Variants in SP140 observed in about 807,000 individuals in gnomAD.
SP140 encodes the protein SP140 nuclear body protein, also known as nuclear body protein SP140.
In SP140, 81 loss-of-function variants were observed where a neutral mutation model predicts 125.0. The ratio of observed to expected loss-of-function variants is 0.65; its 90% CI spans 0.54 to 0.78. The LOEUF (loss-of-function observed/expected upper bound fraction) is 0.78, where lower values mean the gene tolerates loss of function less well. Among genes scored for constraint, SP140 ranks in the 30% least tolerant of loss-of-function variants. SP140 has a pLI of 0.00. For missense variants in SP140, 858 were observed against 1,037.0 expected, an observed-to-expected ratio of 0.83 and a Z score of 2.37; for synonymous variants, 312 against 354.0, an observed-to-expected ratio of 0.88 and a Z score of 1.33.
intron 15 of SP140, among the ~76,000 whole-genome samples, chr2:230,271,384 C>A (rs1004019241): frequency 6.6e-6 from 1 of 152,118 alleles, no homozygotes; most frequent in Non-Finnish European, 1.5e-5. Context: ...ATGCTAAAGA[C>A]TGTGCTAGTG....
In SP140 at chr2:230,269,833, C is replaced by G; in HGVS notation, c.1328-4C>G. The G allele has an allele frequency of 6.2e-7, 1 of 1,610,634 alleles. No homozygotes were observed. Among genetic ancestry groups the G allele is most frequent in the South Asian group, 1.1e-5 (1 of 90,932 alleles). ...AGTCTTCATGAATCACAATTTTGGC[C>G]CAGGAGCGGAGCAATCAGCATATGA... On this transcript the variant is annotated splice_region_variant and splice_polypyrimidine_tract_variant and intron_variant, in intron 13 of 26. Coordinates refer to ENST00000392045, the MANE Select transcript of SP140 (RefSeq NM_007237.5).
intron 15 of SP140, among the ~76,000 whole-genome samples, chr2:230,282,509 A>G (rs1227380962): frequency 6.6e-6 from 1 of 152,038 alleles, no homozygotes; most frequent in Non-Finnish European, 1.5e-5. Context: ...ACATTTAACA[A>G]ATCTTGACCC....
chr2:230,273,427 T>G (rs780617199), intron 15 of SP140, among the ~76,000 whole-genome samples: 20 of 152,168 alleles, frequency 1.3e-4, no homozygotes, highest in Non-Finnish European at 2.4e-4. Flanking sequence ...TGACTATTAT[T>G]AAAAGGTCTA....
rs967211514 is a variant in SP140, at chr2:230,240,579, A to C, written c.407-825A>C. 3.3e-5 allele frequency among the ~76,000 whole-genome samples: 5 copies of C among 152,240 alleles called. No individual in the cohort carries two copies. In the East Asian group the frequency reaches 5.8e-4, roughly 18 times the overall value. On this transcript the variant is annotated intron_variant, in intron 3 of 26. Coordinates refer to ENST00000392045, the MANE Select transcript of SP140 (RefSeq NM_007237.5). ...TATAAAGTGTATGACATTATTAATC[A>C]TGAGGGAAATGCAAATTAAAGTTAT...
downstream of SP140, among the ~76,000 whole-genome samples, chr2:230,315,303 G>A (rs184086482): frequency 1.2e-4 from 19 of 152,274 alleles, no homozygotes; most frequent in Non-Finnish European, 2.4e-4. Flanking sequence ...AAGTTTTCAC[G>A]GGAGGGCTCT....
chr2:230,196,718 G>T, the SP140 span, among the ~76,000 whole-genome samples: 1 of 142,444 alleles, frequency 7.0e-6, no homozygotes, highest in African/African-American at 2.6e-5. Flanking sequence ...ACAGTCCCCA[G>T]AGTGTGATGT....
upstream of SP140, among the ~76,000 whole-genome samples, chr2:230,201,694 T>C (rs894548376): frequency 3.3e-5 from 5 of 152,226 alleles, no homozygotes; most frequent in Non-Finnish European, 7.3e-5. Context: ...AGATACAAGC[T>C]CACTGTATAA....
intron 22 of SP140, among the ~76,000 whole-genome samples, chr2:230,302,421 TA>T (rs948672999): frequency 6.6e-6 from 1 of 151,956 alleles, no homozygotes; most frequent in Non-Finnish European, 1.5e-5. Context: ...CAATTTCTAC[TA>T]GACCTAAGAA....
chr2:230,298,683 A>G (rs2058000043), intron 22 of SP140, among the ~76,000 whole-genome samples: 1 of 152,210 alleles, frequency 6.6e-6, no homozygotes, highest in Non-Finnish European at 1.5e-5. Flanking sequence ...GTCCATAACC[A>G]GACTTTGCTT....
chr2:230,191,698 G>C, the SP140 span, among the ~76,000 whole-genome samples: 36 of 152,176 alleles, frequency 2.4e-4, no homozygotes, highest in Non-Finnish European at 2.2e-4. Flanking sequence ...GATTCTACCA[G>C]AAATACAAAG....
Position 230,298,784 on chromosome 2 carries a change from T to C in SP140, c.2058+1322T>C, listed in dbSNP as rs1396962152. 2.6e-5 allele frequency among the ~76,000 whole-genome samples: 4 copies of C among 152,356 alleles called. No homozygotes were observed. In the East Asian group the frequency reaches 7.7e-4, roughly 29 times the overall value. ...CTGGATCCCACTTCTGGGGAAATTA[T>C]AATTTAATCATTCTGGACTATGTAT... On this transcript the variant is annotated intron_variant, in intron 22 of 26. Transcript: ENST00000392045.
upstream of SP140, chr2:230,200,688 A>G: frequency 1.6e-6 from 1 of 617,576 alleles, no homozygotes; most frequent in Non-Finnish European, 2.9e-6. Flanking sequence ...ATATGGACAC[A>G]TTACATAAAA....
intron 3 of SP140, chr2:230,214,222 AC>A (rs1272912360): frequency 6.6e-6 from 1 of 151,842 alleles, no homozygotes; most frequent in African/African-American, 2.4e-5. Context: ...TTCTTTCTCT[AC>A]GTACTTCATG....
At chr2:230,285,257 C>G (rs190471933) in intron 16 of SP140, among the ~76,000 whole-genome samples, 1 of 152,118 alleles carries the variant, frequency 6.6e-6, no homozygotes, top group South Asian at 2.1e-4. Flanking sequence ...TTCTTCTAGA[C>G]GATGAAGGCT....
At chr2:230,247,870 T>C in intron 7 of SP140, 46 bp from the exon 8 acceptor site, 1 of 1,586,480 alleles carries the variant, frequency 6.3e-7, no homozygotes, top group Non-Finnish European at 8.6e-7. Flanking sequence ...AGTGAAATTA[T>C]ATGGAAATTA....
At chr2:230,186,202 T>G in the SP140 span, 1 of 1,551,114 alleles carries the variant, frequency 6.4e-7, no homozygotes, top group Non-Finnish European at 8.9e-7. Flanking sequence ...TCCCAGCCCC[T>G]ACCCTTTCAG....
Position 230,211,535 on chromosome 2 carries a change from A to C in SP140, c.-322-2119A>C. Reference sequence around the variant, plus strand: ...GTCTTCTTTATCTCTTATTTGGGGGATCAGGTTGTCACTGGCCACTGAATG... The same window carrying C: ...GTCTTCTTTATCTCTTATTTGGGGGCTCAGGTTGTCACTGGCCACTGAATG... On this transcript the variant is annotated intron_variant, in intron 1 of 4. Transcript: ENST00000456542. This position sits in a 1 kb window ranked among gnomAD's most constrained non-coding sequence, Gnocchi z 4.2. 2 of 1,610,076 alleles carry C rather than the reference A, an allele frequency of 1.2e-6. No individual in the cohort carries two copies. Among genetic ancestry groups the C allele is most frequent in the Non-Finnish European group, 1.7e-6 (2 of 1,176,366 alleles).
chr2:230,211,624 A>G lies in SP140; in HGVS notation c.-322-2030A>G. On this transcript the variant is annotated intron_variant, in intron 1 of 4. Coordinates refer to the SP140 transcript ENST00000456542. This position sits in a 1 kb window ranked among gnomAD's most constrained non-coding sequence, Gnocchi z 4.2. ...GGGACCAGAATGAGGAGAAAAGAGA[A>G]TGCTCTATTCCAACAAGTAAAAATG... 1 of 932,188 alleles carries G rather than the reference A, an allele frequency of 1.1e-6. No individual in the cohort carries two copies. The highest frequency in any genetic ancestry group is 1.7e-5 in the Admixed American group (1 of 58,462). 57.7% of individuals were successfully genotyped at this position (932,188 alleles called of 1,614,324 possible).
chr2:230,238,357 G>A lies in SP140; in HGVS notation c.382G>A (p.Glu128Lys), dbSNP rs1172130707. The A allele has an allele frequency of 2.5e-6, 4 of 1,611,322 alleles. No individual in the cohort carries two copies. The highest frequency in any genetic ancestry group is 3.4e-6 in the Non-Finnish European group (4 of 1,179,374). The change falls in exon 3 of 27, where the codon GAG becomes AAG. Residue 128 changes from glutamate (E) to lysine (K), a missense_variant. Coordinates refer to ENST00000392045, the MANE Select transcript of SP140 (RefSeq NM_007237.5). ...INLMAYPDLN[E>K]IYRSFQNVCY... Reference sequence around the variant, plus strand: ...CCTGATGGCCTATCCTGATTTAAACGAGATTTACAGAAGCTTCCAGAATGG... The same window carrying A: ...CCTGATGGCCTATCCTGATTTAAACAAGATTTACAGAAGCTTCCAGAATGG...
Sources: allele counts gnomAD v4.1 joint callset (sites outside exome capture counted in the v4.1 genomes callset), GRCh38; gene constraint gnomAD v4.1.1; non-coding constraint Gnocchi (gnomAD v3.1); transcripts MANE v1.5; gene names NCBI Gene and HGNC (gene_info 2026-07-23, HGNC 2026-07-21).